The following PRDX4 variants were observed in gnomAD, a reference collection of about 807,000 sequenced individuals.
The protein encoded by PRDX4 is peroxiredoxin-4.
Under a neutral mutation model 20.5 loss-of-function variants are expected in PRDX4, and 12 were observed. The ratio of observed to expected loss-of-function variants is 0.58; its 90% confidence interval spans 0.37 to 0.95. The LOEUF (loss-of-function observed/expected upper bound fraction) is 0.95. PRDX4 is among the 40% of genes least tolerant of loss of function. The pLI is 0.01. For synonymous variants in PRDX4, 99 were observed against 87.5 expected (o/e 1.13, Z -0.73); for missense variants, 180 against 207.3 (o/e 0.87, Z 0.81).
intron 3 of PRDX4, among the ~76,000 whole-genome samples, chrX:23,678,879 C>T (rs987804317): frequency 3.6e-5 from 4 of 111,319 alleles, no homozygotes; most frequent in Admixed American, 9.6e-5. Flanking sequence ...TTTTAGGCTA[C>T]GCTGAGCTAT....
intron 6 of PRDX4, among the ~76,000 whole-genome samples, chrX:23,685,496 G>A (rs1928165124): frequency 8.9e-6 from 1 of 111,738 alleles, no homozygotes; most frequent in Non-Finnish European, 1.9e-5. Context: ...TCCCCTTTGA[G>A]ATCCATCAGA....
intron 4 of PRDX4, among the ~76,000 whole-genome samples, chrX:23,679,647 C>G (rs1466703398): frequency 4.8e-5 from 5 of 104,815 alleles, no homozygotes; most frequent in Non-Finnish European, 7.8e-5. Flanking sequence ...GATCATGCCA[C>G]TGCACTCCAG....
rs754048206 is a variant in PRDX4 at position 23,667,712 on chromosome X, G to A, written c.142G>A (p.Glu48Lys). Residue 48 changes from glutamate (E) to lysine (K), a missense_variant, in exon 1 of 7, where the codon GAA (glutamate) becomes AAA (lysine). Physicochemically the swap from Glu to Lys is moderately conservative, Grantham distance 56. Around this residue, in one of 3 missense-constraint regions of PRDX4, gnomAD observed 105 missense variants for 114.2 expected, o/e 0.92. Transcript: ENST00000379341. ...WETEERPRTREEECHFYAGGQ... is the reference protein window; with the variant it reads ...WETEERPRTRKEECHFYAGGQ... ...GACAGAGGAGAGGCCCCGGACTCGC[G>A]AAGAGGAGTGCCACTTCTACGCGGG... 53 of 1,210,295 alleles carry A rather than the reference G, an allele frequency of 4.4e-5. 1 individual carries two copies. In the South Asian group the frequency reaches 9.1e-4, roughly 21 times the overall value.
intron 4 of PRDX4, among the ~76,000 whole-genome samples, chrX:23,680,765 G>A (rs1472751451): frequency 9.2e-6 from 1 of 109,235 alleles, no homozygotes; most frequent in Non-Finnish European, 1.9e-5. Flanking sequence ...GTTAAATTAG[G>A]CCATTGTGGT....
intron 1 of PRDX4, chrX:23,671,300 T>C (rs1253933632): frequency 9.5e-6 from 3 of 316,153 alleles, no homozygotes; most frequent in African/African-American, 5.5e-5. Context: ...ATCACCAATT[T>C]TTTTTAATAT....
chrX:23,686,252 G>T (rs1360666403), intron 6 of PRDX4, 33 bp from the exon 7 acceptor site: 7 of 1,135,609 alleles, frequency 6.2e-6, no homozygotes, highest in Non-Finnish European at 2.4e-6. Context: ...GCTTTAAAAT[G>T]AATAATTTCC....
intron 1 of PRDX4, 140 bp downstream of exon 1, chrX:23,667,951 G>A: frequency 1.1e-6 from 1 of 901,069 alleles, no homozygotes; most frequent in Non-Finnish European, 1.5e-6. Context: ...CACCTAGGAG[G>A]GCGGGGAGGG....
chrX:23,670,197 A>T (rs1463545212), intron 1 of PRDX4, among the ~76,000 whole-genome samples: 1 of 112,149 alleles, frequency 8.9e-6, no homozygotes, highest in Non-Finnish European at 1.9e-5. Context: ...ATCAATTTTC[A>T]GAACAAAATT....
intron 2 of PRDX4, among the ~76,000 whole-genome samples, chrX:23,674,464 G>A (rs750365846): frequency 1.8e-5 from 2 of 110,170 alleles, no homozygotes; most frequent in East Asian, 5.6e-4. Flanking sequence ...AAAATCCCTG[G>A]CTGCACAGGA....
At chrX:23,674,967 A>ATT (rs753417196) in intron 2 of PRDX4, 23 bp from the exon 3 acceptor site, 5 of 1,086,004 alleles carry the variant, frequency 4.6e-6, no homozygotes, top group South Asian at 2.0e-5. Context: ...AATACTGAAT[A>ATT]TTTTTTTTTT....
At chrX:23,670,608 A>G (rs1219452309) in intron 1 of PRDX4, among the ~76,000 whole-genome samples, 1 of 112,306 alleles carries the variant, frequency 8.9e-6, no homozygotes, top group East Asian at 2.8e-4. Context: ...TATAAGTGCT[A>G]TCTGAATGTG....
chrX:23,685,991 G>A (rs1282964845), intron 6 of PRDX4: 1 of 390,639 alleles, frequency 2.6e-6, no homozygotes. Context: ...AAATGTGTTT[G>A]ACTTAATTAG....
chrX:23,671,638 A>T lies in PRDX4; in HGVS notation c.351A>T (p.Pro117=), dbSNP rs750727489. The T allele has an allele frequency of 2.7e-5, 31 of 1,168,580 alleles. No homozygotes were observed. Among genetic ancestry groups the T allele is most frequent in the Non-Finnish European group, 3.2e-5 (28 of 866,448 alleles). The stretch of plus-strand genomic sequence containing the variant: ...AATACTTGGTTTTCTTCTTCTACCC[A>T]CTTGATTTGTAAGTAATACATGTAA... ...RGKYLVFFFY[P]LDFTFVCPTE... Residue 117 remains proline (P), a synonymous_variant, in exon 2 of 7, where the codon CCA becomes CCT. Transcript: ENST00000379341.
chrX:23,667,574 G>GT lies in PRDX4; in HGVS notation c.4_5insT (p.Glu2ValfsTer98), dbSNP rs1346324580. On this transcript the variant is annotated frameshift_variant, in exon 1 of 7. Transcript: ENST00000379341. LOFTEE classifies it high-confidence loss of function. ...GTGTTTCTGCGCTCGCGTGGTCATG[G>GT]AGGCGCTGCCGCTGCTAGCCGCGAC... 3 of 1,183,540 alleles carry GT rather than the reference G, an allele frequency of 2.5e-6. No individual in the cohort carries two copies. In the African/African-American group the frequency reaches 5.3e-5, roughly 21 times the overall value.
intron 6 of PRDX4, 109 bp downstream of exon 6, chrX:23,683,814 G>A (rs1456747438): frequency 1.7e-6 from 1 of 591,767 alleles, no homozygotes; most frequent in Non-Finnish European, 2.5e-6. Context: ...GGAGGCTGAG[G>A]CGGGCAGATC....
intron 1 of PRDX4, 125 bp from the exon 2 acceptor site, chrX:23,671,404 G>T: frequency 4.0e-6 from 2 of 495,061 alleles, no homozygotes; most frequent in East Asian, 3.8e-5. Context: ...AAGTCTGTAA[G>T]CTTCACCAGA....
intron 2 of PRDX4, among the ~76,000 whole-genome samples, chrX:23,672,693 T>C (rs976530649): frequency 2.7e-5 from 3 of 112,292 alleles, no homozygotes; most frequent in Non-Finnish European, 5.6e-5. Flanking sequence ...TCCTCCTCTA[T>C]CTTTGCCACT....
chrX:23,676,629 A>G (rs1927954224), intron 3 of PRDX4, among the ~76,000 whole-genome samples: 1 of 108,607 alleles, frequency 9.2e-6, no homozygotes, highest in African/African-American at 3.3e-5. Context: ...CATCTATACA[A>G]AAAATAAAAA....
At chrX:23,682,853 A>AAAAATATAT (rs1555933130) in intron 5 of PRDX4, among the ~76,000 whole-genome samples, 5 of 14,868 alleles carry the variant, frequency 3.4e-4, no homozygotes, top group African/African-American at 8.7e-4. Context: ...AAAAAAAAAA[A>AAAAATATAT]ATATATATAT....
Sources: gnomAD v4.1 joint callset for allele counts (sites outside exome capture counted in the v4.1 genomes callset) on GRCh38, gnomAD v4.1.1 for gene constraint, gnomAD v4.1.1 regional missense constraint, MANE v1.5 for transcripts, NCBI Gene and HGNC (gene_info 2026-07-23, HGNC 2026-07-21) for gene names.